The following SDCCAG8 variants were observed in gnomAD, a reference collection of about 807,000 sequenced individuals.
SDCCAG8 encodes serologically defined colon cancer antigen 8.
SDCCAG8 carries 74 observed loss-of-function variants against 101.8 expected under a neutral mutation model. The ratio of observed to expected loss-of-function variants is 0.73; its 90% CI spans 0.60 to 0.88. The LOEUF is 0.88. SDCCAG8 is among the 40% of genes least tolerant of loss of function. SDCCAG8 has a pLI of 0.00. For missense variants in SDCCAG8, 787 were observed against 822.6 expected (o/e 0.96, Z 0.53); for synonymous variants, 281 against 292.9 (o/e 0.96, Z 0.41).
Position 243,308,045 on chromosome 1 carries a change from A to G in SDCCAG8, c.797A>G (p.His266Arg). The G allele has an allele frequency of 6.2e-7, 1 of 1,614,192 alleles. No individual in the cohort carries two copies. Among genetic ancestry groups the G allele is most frequent in the Non-Finnish European group, 8.5e-7 (1 of 1,180,020 alleles). The change falls in exon 8 of 18, where the codon CAT becomes CGT. Residue 266 changes from histidine (H) to arginine (R), a missense_variant. By Grantham distance (29) the His-to-Arg change is conservative. Coordinates refer to ENST00000366541, the MANE Select transcript of SDCCAG8 (RefSeq NM_006642.5). ...GAAGATCTTAAAGAGCAACTAAAGC[A>G]TAAAGAATTTCTTCTGGCTGCTAAT... The part of the protein sequence containing the change: ...TCEDLKEQLK[H>R]KEFLLAANTC...
chr1:243,433,858 G>C (rs2081961881), intron 16 of SDCCAG8, among the ~76,000 whole-genome samples: 1 of 152,152 alleles, frequency 6.6e-6, no homozygotes, highest in Non-Finnish European at 1.5e-5. Context: ...AAATTTAAAA[G>C]TACTAAAATT....
chr1:243,435,051 A>G (rs1035016542), intron 16 of SDCCAG8, among the ~76,000 whole-genome samples: 1 of 152,250 alleles, frequency 6.6e-6, no homozygotes, highest in African/African-American at 2.4e-5. Flanking sequence ...ATATTTACCG[A>G]GTGCTTATAC....
At chr1:243,321,387 C>T (rs1336331211) in intron 9 of SDCCAG8, among the ~76,000 whole-genome samples, 3 of 151,248 alleles carry the variant, frequency 2.0e-5, no homozygotes, top group Non-Finnish European at 4.4e-5. Flanking sequence ...CCCCCTCTCT[C>T]CTCCCCCAAG....
chr1:243,373,208 C>G (rs1003608023), intron 12 of SDCCAG8, among the ~76,000 whole-genome samples: 1 of 151,934 alleles, frequency 6.6e-6, no homozygotes, highest in Non-Finnish European at 1.5e-5. Context: ...GCAGTGAAGT[C>G]AGAAGATCTG....
At chr1:243,373,235 T>C (rs1035538169) in intron 12 of SDCCAG8, among the ~76,000 whole-genome samples, 15 of 152,098 alleles carry the variant, frequency 9.9e-5, no homozygotes, top group Non-Finnish European at 2.2e-4. Flanking sequence ...GGCTTGAGTG[T>C]ACTGCTTTAG....
At chr1:243,261,936 C>A (rs926074681) in intron 1 of SDCCAG8, among the ~76,000 whole-genome samples, 1 of 151,042 alleles carries the variant, frequency 6.6e-6, no homozygotes, top group Admixed American at 6.6e-5. Flanking sequence ...CTCAGCCTCC[C>A]GAGTAGCTGG....
chr1:243,302,179 T>C (rs2071580265), intron 6 of SDCCAG8, among the ~76,000 whole-genome samples: 1 of 151,686 alleles, frequency 6.6e-6, no homozygotes, highest in Non-Finnish European at 1.5e-5. Flanking sequence ...ACCCAGGAGG[T>C]GGAGGTTGCA....
chr1:243,371,798 A>G (rs2077308302), intron 12 of SDCCAG8, among the ~76,000 whole-genome samples: 2 of 152,264 alleles, frequency 1.3e-5, no homozygotes, highest in South Asian at 2.1e-4. Context: ...GCTATGCCAA[A>G]AAATTTTCTG....
intron 16 of SDCCAG8, among the ~76,000 whole-genome samples, chr1:243,461,833 T>G (rs970771795): frequency 6.6e-6 from 1 of 152,174 alleles, no homozygotes; most frequent in African/African-American, 2.4e-5. Flanking sequence ...TCTAAGAAGA[T>G]TCACCTCCAC....
intron 12 of SDCCAG8, among the ~76,000 whole-genome samples, chr1:243,345,892 G>A (rs187944614): frequency 3.3e-5 from 5 of 152,250 alleles, no homozygotes; most frequent in South Asian, 2.1e-4. Flanking sequence ...ATTTGTAAAC[G>A]TTTTCTGATA....
intron 16 of SDCCAG8, among the ~76,000 whole-genome samples, chr1:243,448,499 G>T (rs1241072105): frequency 6.6e-6 from 1 of 152,162 alleles, no homozygotes; most frequent in Admixed American, 6.5e-5. Context: ...AGGCTTTGGG[G>T]TTGAAAAGAT....
At chr1:243,306,052 C>G (rs1268455885) in intron 7 of SDCCAG8, 2 of 146,218 alleles carry the variant, frequency 1.4e-5, no homozygotes, top group Non-Finnish European at 2.9e-5. Flanking sequence ...TGCCACTGCA[C>G]TCCAGCCTGG....
chr1:243,329,663 A>T (rs1164409066), intron 9 of SDCCAG8, among the ~76,000 whole-genome samples: 3 of 152,220 alleles, frequency 2.0e-5, no homozygotes, highest in Non-Finnish European at 4.4e-5. Flanking sequence ...TAGGATTTTT[A>T]AAAATTGGGA....
At chr1:243,338,421 CTT>C (rs201615104) in intron 10 of SDCCAG8, among the ~76,000 whole-genome samples, 9 of 140,878 alleles carry the variant, frequency 6.4e-5, no homozygotes, top group Non-Finnish European at 9.3e-5. Context: ...CCTTACTTTT[CTT>C]TTTTTTTTTT....
At chr1:243,497,674 C>T (rs563314769) in intron 17 of SDCCAG8, among the ~76,000 whole-genome samples, 1 of 152,308 alleles carries the variant, frequency 6.6e-6, no homozygotes, top group South Asian at 2.1e-4. Flanking sequence ...AATTCCGCAA[C>T]ACATTTTACT....
intron 12 of SDCCAG8, among the ~76,000 whole-genome samples, chr1:243,365,684 G>A (rs1045773948): frequency 6.6e-6 from 1 of 152,020 alleles, no homozygotes; most frequent in African/African-American, 2.4e-5. Flanking sequence ...ATTTTTAGTA[G>A]CAGATACCAT....
At chr1:243,499,380 C>T (rs1389121914) in intron 17 of SDCCAG8, among the ~76,000 whole-genome samples, 1 of 152,196 alleles carries the variant, frequency 6.6e-6, no homozygotes, top group East Asian at 1.9e-4. Flanking sequence ...CTAGAATTAC[C>T]TGCCGTTAAG....
At chr1:243,430,883 A>G (rs777904631) in intron 16 of SDCCAG8, among the ~76,000 whole-genome samples, 21 of 152,198 alleles carry the variant, frequency 1.4e-4, no homozygotes, top group Non-Finnish European at 2.6e-4. Context: ...ACAGATTGGA[A>G]CAGAGCCATC....
intron 1 of SDCCAG8, among the ~76,000 whole-genome samples, chr1:243,258,555 C>G (rs2066941592): frequency 1.3e-5 from 2 of 152,190 alleles, no homozygotes; most frequent in Admixed American, 1.3e-4. Flanking sequence ...CAGGCACGCG[C>G]CACCATGCCC....
Sources: gnomAD v4.1 joint callset for allele counts (sites outside exome capture counted in the v4.1 genomes callset) on GRCh38, gnomAD v4.1.1 for gene constraint, MANE v1.5 for transcripts, NCBI Gene and HGNC (gene_info 2026-07-23, HGNC 2026-07-21) for gene names.